The following FUT9 variants were observed in gnomAD, a reference collection of about 807,000 sequenced individuals.
FUT9 encodes 4-galactosyl-N-acetylglucosaminide 3-alpha-L-fucosyltransferase 9.
In FUT9, 15 loss-of-function variants were observed where a neutral mutation model predicts 29.7. The observed-to-expected ratio is 0.51, with a 90% CI of 0.34 to 0.78. The LOEUF (loss-of-function observed/expected upper bound fraction) is 0.78. FUT9 is among the 30% of genes least tolerant of loss of function. The pLI is 0.01. For missense variants in FUT9, 319 were observed against 425.4 expected (o/e 0.75, Z 2.20); for synonymous variants, 169 against 153.7 (o/e 1.10, Z -0.74).
chr6:96,199,295 CAAG>C (rs1322069236), intron 2 of FUT9, among the ~76,000 whole-genome samples: 2 of 152,024 alleles, frequency 1.3e-5, no homozygotes, highest in Non-Finnish European at 2.9e-5. Context: ...AGGATTCTGT[CAAG>C]GAGATGTCAA....
intron 2 of FUT9, among the ~76,000 whole-genome samples, chr6:96,192,413 C>G (rs2127988980): frequency 1.3e-5 from 2 of 152,204 alleles, no homozygotes; most frequent in Non-Finnish European, 2.9e-5. Flanking sequence ...CAATAACTGA[C>G]AAACAGAGAG....
intron 1 of FUT9, among the ~76,000 whole-genome samples, chr6:96,024,575 G>T (rs781465351): frequency 6.6e-6 from 1 of 151,622 alleles, no homozygotes; most frequent in Non-Finnish European, 1.5e-5. Flanking sequence ...TAGGGTATGG[G>T]GTTTGTGACC....
At chr6:96,093,840 A>G (rs1438146282) in intron 1 of FUT9, among the ~76,000 whole-genome samples, 4 of 152,188 alleles carry the variant, frequency 2.6e-5, no homozygotes, top group African/African-American at 9.6e-5. Context: ...CAATGTTTAC[A>G]AATGAATAAA....
chr6:96,209,208 A>C lies in FUT9; in HGVS notation c.*4973A>C, dbSNP rs1773888641. 1 of 166,882 alleles carries C rather than the reference A, an allele frequency of 6.0e-6. No homozygotes were observed. The highest frequency in any genetic ancestry group is 2.4e-5 in the African/African-American group (1 of 41,432). The allele number at this position is 166,882 out of a possible 1,614,324, so 10.3% of individuals were successfully genotyped here. ...ATCTAAGATCGAAATTGATATATGC[A>C]TGAAATTCCTAATGGAATTTCAATG... On this transcript the variant is annotated 3_prime_UTR_variant, in exon 3 of 3. Coordinates refer to ENST00000302103, the MANE Select transcript of FUT9 (RefSeq NM_006581.4).
intron 2 of FUT9, among the ~76,000 whole-genome samples, chr6:96,135,204 G>A (rs1772324575): frequency 6.6e-6 from 1 of 151,804 alleles, no homozygotes; most frequent in Admixed American, 6.6e-5. Context: ...AAAAGCTGAG[G>A]TGTGTATAGT....
intron 1 of FUT9, among the ~76,000 whole-genome samples, chr6:96,071,915 G>T (rs909680450): frequency 6.6e-6 from 1 of 151,966 alleles, no homozygotes; most frequent in Non-Finnish European, 1.5e-5. Flanking sequence ...GATTATAGGC[G>T]TGAGCCACCA....
rs202096024 is a variant in FUT9 at position 96,169,540 on chromosome 6, G to C, written c.-8-33608G>C. Among the ~76,000 whole-genome samples, 30 of 152,206 alleles carry C rather than the reference G, an allele frequency of 2.0e-4. No individual in the cohort carries two copies. The East Asian group carries it at 5.8e-3, about 29-fold the overall frequency. ...CTAATAGTGTTTTGTTTTTATATTGGGGGAGGTCTCGACTGAAGATCAGAA... is the reference window on the plus strand; with the variant it reads ...CTAATAGTGTTTTGTTTTTATATTGCGGGAGGTCTCGACTGAAGATCAGAA... On this transcript the variant is annotated intron_variant, in intron 2 of 2. Transcript: ENST00000302103.
chr6:96,125,760 T>C (rs1387616991), intron 2 of FUT9, among the ~76,000 whole-genome samples: 1 of 152,196 alleles, frequency 6.6e-6, no homozygotes, highest in Non-Finnish European at 1.5e-5. Flanking sequence ...TGGCCACTGC[T>C]TGAACCATGA....
At chr6:96,154,199 C>T (rs1337613608) in intron 2 of FUT9, among the ~76,000 whole-genome samples, 2 of 152,112 alleles carry the variant, frequency 1.3e-5, no homozygotes, top group Non-Finnish European at 2.9e-5. Flanking sequence ...CACTGTGCTC[C>T]TTAAAGTTGG....
chr6:96,018,262 C>G (rs923638726), intron 1 of FUT9, among the ~76,000 whole-genome samples: 2 of 152,052 alleles, frequency 1.3e-5, no homozygotes, highest in African/African-American at 4.8e-5. Context: ...ATCGATACAT[C>G]CCAAATTGAA....
At chr6:96,097,602 G>A (rs1474809249) in intron 1 of FUT9, among the ~76,000 whole-genome samples, 5 of 111,358 alleles carry the variant, frequency 4.5e-5, no homozygotes, top group African/African-American at 1.4e-4. Flanking sequence ...ACTGTTGATC[G>A]ATAACTTTCA....
intron 1 of FUT9, among the ~76,000 whole-genome samples, chr6:96,071,875 T>C (rs1321501043): frequency 6.6e-6 from 1 of 152,170 alleles, no homozygotes; most frequent in African/African-American, 2.4e-5. Context: ...GCTCAAGCAA[T>C]GCTCTCATCT....
Position 96,213,257 on chromosome 6 carries a change from T to C in FUT9, c.*9022T>C, listed in dbSNP as rs75908201. 2,187 of 167,000 alleles carry C rather than the reference T, an allele frequency of 0.013. 27 individuals are homozygous for C. Among genetic ancestry groups the C allele is most frequent in the Non-Finnish European group, 0.018 (1,229 of 68,008 alleles). The allele number at this position is 167,000 out of a possible 1,614,324, so 10.3% of individuals were successfully genotyped here. ...AAGAGTTAGGACTTTACATGATTTCTCTTGCCTCATTCCCTCAAGAATGCA... is the reference window on the plus strand; with the variant it reads ...AAGAGTTAGGACTTTACATGATTTCCCTTGCCTCATTCCCTCAAGAATGCA... On this transcript the variant is annotated 3_prime_UTR_variant, in exon 3 of 3. Transcript: ENST00000302103.
intron 1 of FUT9, among the ~76,000 whole-genome samples, chr6:96,043,447 C>G (rs1344653107): frequency 1.3e-5 from 2 of 152,116 alleles, no homozygotes; most frequent in Non-Finnish European, 2.9e-5. Flanking sequence ...GGCAGTCATA[C>G]TTATTTGTTT....
rs996615013 is a variant in FUT9 at position 96,210,126 on chromosome 6, G to C, written c.*5891G>C. On this transcript the variant is annotated 3_prime_UTR_variant, in exon 3 of 3. Coordinates refer to ENST00000302103, the MANE Select transcript of FUT9 (RefSeq NM_006581.4). ...TTTAAAAATCTCCCCAGATGGTTCTGGTGTCCTGCTAGTTTTGAGGTTTTC... is the reference window on the plus strand; with the variant it reads ...TTTAAAAATCTCCCCAGATGGTTCTCGTGTCCTGCTAGTTTTGAGGTTTTC... 6.0e-6 allele frequency: 1 copy of C among 166,872 alleles called. No individual in the cohort carries two copies. The highest frequency in any genetic ancestry group is 2.4e-5 in the African/African-American group (1 of 41,408). 10.3% of individuals were successfully genotyped at this position (166,872 alleles called of 1,614,324 possible). A position where few individuals can be genotyped will look rare whatever the true frequency, so the allele number is the denominator to read the frequency against.
At chr6:96,148,586 G>C (rs1307312351) in intron 2 of FUT9, among the ~76,000 whole-genome samples, 1 of 152,074 alleles carries the variant, frequency 6.6e-6, no homozygotes, top group Non-Finnish European at 1.5e-5. Context: ...ACACTTAAAT[G>C]TTCCAAAGCC....
In FUT9 at chr6:96,211,376, A is replaced by C. The variant is rs1773934744; in HGVS notation, c.*7141A>C. ...CATGTCACAGAATAGGATAGCAAGA[A>C]GATTCTCAGAGATCATTTTCTGGTA... On this transcript the variant is annotated 3_prime_UTR_variant, in exon 3 of 3. Transcript: ENST00000302103. 1 of 166,906 alleles carries C rather than the reference A, an allele frequency of 6.0e-6. No individual in the cohort carries two copies. Among genetic ancestry groups the C allele is most frequent in the Non-Finnish European group, 1.5e-5 (1 of 68,004 alleles). 10.3% of individuals were successfully genotyped at this position (166,906 alleles called of 1,614,324 possible).
chr6:96,080,300 T>A (rs945241846), intron 1 of FUT9, among the ~76,000 whole-genome samples: 1 of 151,974 alleles, frequency 6.6e-6, no homozygotes, highest in Non-Finnish European at 1.5e-5. Context: ...TAGCTATAAA[T>A]AACTTCTTTA....
chr6:96,178,995 G>A (rs1365690723), intron 2 of FUT9, among the ~76,000 whole-genome samples: 2 of 151,876 alleles, frequency 1.3e-5, no homozygotes, highest in Non-Finnish European at 2.9e-5. Flanking sequence ...TGTAGTTTCT[G>A]TCATTTTGGG....
Sources: allele counts gnomAD v4.1 joint callset (sites outside exome capture counted in the v4.1 genomes callset), GRCh38; gene constraint gnomAD v4.1.1; transcripts MANE v1.5; gene names NCBI Gene and HGNC (gene_info 2026-07-23, HGNC 2026-07-21).